The following ALDH1A2 variants were observed in gnomAD, a reference collection of about 807,000 sequenced individuals.
ALDH1A2 encodes retinal dehydrogenase 2.
Under a neutral mutation model 60.3 loss-of-function variants are expected in ALDH1A2, and 27 were observed. That is an observed-to-expected ratio of 0.45 (90% CI 0.33 to 0.62). ALDH1A2 has a LOEUF of 0.62. Ranked by LOEUF, ALDH1A2 falls within the 20% of genes least tolerant of loss-of-function variation. The probability of loss-of-function intolerance (pLI) is 0.02; values close to 1 mark genes in which losing one functional copy is unlikely to be tolerated. For synonymous variants in ALDH1A2, 289 were observed against 232.4 expected (o/e 1.24, Z -2.21); for missense variants, 581 against 643.8 (o/e 0.90, Z 1.06).
At chr15:57,987,104 A>G (rs1894729266) in intron 7 of ALDH1A2, among the ~76,000 whole-genome samples, 1 of 152,228 alleles carries the variant, frequency 6.6e-6, no homozygotes, top group African/African-American at 2.4e-5. Flanking sequence ...AGAAGAATAT[A>G]CGAACGTCAA....
chr15:57,977,058 G>C (rs1215462127), intron 7 of ALDH1A2, among the ~76,000 whole-genome samples: 1 of 149,956 alleles, frequency 6.7e-6, no homozygotes, highest in African/African-American at 2.4e-5. Context: ...GTCTTCTTTT[G>C]CGAAGTGTGT....
Position 58,026,879 on chromosome 15 carries a change from G to A in ALDH1A2, c.118-12598C>T, listed in dbSNP as rs1390896798. Among the ~76,000 whole-genome samples, 4 of 152,200 alleles carry A rather than the reference G, an allele frequency of 2.6e-5. No homozygotes were observed. The East Asian group carries it at 5.8e-4, about 22-fold the overall frequency. ...AACAAAGTGGCCAGAAGATTGAACT[G>A]GGTGGAGCCCACTACAGCTCAGCAA... On this transcript the variant is annotated intron_variant, in intron 1 of 12. Coordinates refer to ENST00000249750, the MANE Select transcript of ALDH1A2 (RefSeq NM_003888.4).
intron 1 of ALDH1A2, among the ~76,000 whole-genome samples, chr15:58,046,152 A>G (rs1342541500): frequency 1.3e-5 from 2 of 152,056 alleles, no homozygotes; most frequent in African/African-American, 4.8e-5. Flanking sequence ...CCACAAAGGA[A>G]TAGATATCTC....
At chr15:57,981,639 C>T (rs1008755507) in intron 7 of ALDH1A2, among the ~76,000 whole-genome samples, 2 of 152,160 alleles carry the variant, frequency 1.3e-5, no homozygotes, top group Non-Finnish European at 2.9e-5. Flanking sequence ...AAAAGTCACA[C>T]AGCAGGAAAG....
chr15:57,956,219 G>A (rs1348574817), intron 12 of ALDH1A2, among the ~76,000 whole-genome samples: 1 of 152,202 alleles, frequency 6.6e-6, no homozygotes, highest in African/African-American at 2.4e-5. Flanking sequence ...GTAGAGAGGG[G>A]AGGAGGGAAG....
chr15:57,986,186 T>C (rs1425340063), intron 7 of ALDH1A2, among the ~76,000 whole-genome samples: 21 of 152,296 alleles, frequency 1.4e-4, no homozygotes, highest in East Asian at 3.9e-4. Context: ...TATTCAAACA[T>C]TGGATATCAG....
At chr15:58,041,510 T>C (rs1171600437) in intron 1 of ALDH1A2, among the ~76,000 whole-genome samples, 1 of 151,896 alleles carries the variant, frequency 6.6e-6, no homozygotes, top group Non-Finnish European at 1.5e-5. Context: ...AAGCCGGGAA[T>C]TTCTAGATCA....
intron 1 of ALDH1A2, among the ~76,000 whole-genome samples, chr15:58,026,494 C>A (rs972045859): frequency 1.3e-5 from 2 of 152,136 alleles, no homozygotes; most frequent in African/African-American, 2.4e-5. Context: ...CTAAGGTACC[C>A]GGTTCATTTC....
At chr15:58,065,141 G>C (rs1253829205) in intron 1 of ALDH1A2, 1 of 290,742 alleles carries the variant, frequency 3.4e-6, no homozygotes, top group African/African-American at 2.3e-5. Flanking sequence ...AGGACCGAGA[G>C]GCGACGGCCA....
chr15:57,980,362 T>C lies in ALDH1A2; in HGVS notation c.798+12343A>G, dbSNP rs1029848310. The C allele has an allele frequency of 1.6e-5, 6 of 386,904 alleles. No individual in the cohort carries two copies. The East Asian group carries it at 4.1e-4, about 26-fold the overall frequency. The allele number at this position is 386,904 out of a possible 1,614,324, so 24.0% of individuals were successfully genotyped here. ...CCATGGGGTTCATGTCATAGCTGAC[T>C]ACAGCCTTGATGAAGTTGGAGAGGT... On this transcript the variant is annotated intron_variant, in intron 7 of 12. Coordinates refer to ENST00000249750, the MANE Select transcript of ALDH1A2 (RefSeq NM_003888.4).
At chr15:58,043,843 TTTCTCGGTCTA>T in intron 1 of ALDH1A2, among the ~76,000 whole-genome samples, 1 of 152,142 alleles carries the variant, frequency 6.6e-6, no homozygotes, top group Non-Finnish European at 1.5e-5. Context: ...TGAGAATCTT[TTTCTCGGTCTA>T]AACATAGTAG....
intron 3 of ALDH1A2, 92 bp from the exon 4 acceptor site, chr15:58,010,870 A>C: frequency 1.4e-6 from 2 of 1,477,150 alleles, no homozygotes; most frequent in East Asian, 2.3e-5. Flanking sequence ...AAGAGAGAGA[A>C]TACAAATGCA....
intron 5 of ALDH1A2, among the ~76,000 whole-genome samples, chr15:57,994,591 G>T (rs1324767873): frequency 6.6e-6 from 1 of 152,100 alleles, no homozygotes; most frequent in Non-Finnish European, 1.5e-5. Flanking sequence ...TAACAGCTCG[G>T]CATGGTTTCA....
intron 1 of ALDH1A2, among the ~76,000 whole-genome samples, chr15:58,025,421 A>G (rs1364918541): frequency 1.3e-5 from 2 of 152,196 alleles, no homozygotes; most frequent in African/African-American, 2.4e-5. Context: ...GGGGAGATGG[A>G]TACATTCCTG....
chr15:58,002,402 T>C (rs1895303994), intron 4 of ALDH1A2, among the ~76,000 whole-genome samples: 1 of 151,968 alleles, frequency 6.6e-6, no homozygotes, highest in Non-Finnish European at 1.5e-5. Context: ...AAAAATTTAA[T>C]TATTTGGATA....
chr15:57,983,697 C>T (rs1894594698), intron 7 of ALDH1A2, among the ~76,000 whole-genome samples: 1 of 152,128 alleles, frequency 6.6e-6, no homozygotes, highest in Non-Finnish European at 1.5e-5. Context: ...GGTAATGATG[C>T]AGAGAATTCT....
At chr15:58,013,073 A>G (rs35323556) in intron 3 of ALDH1A2, among the ~76,000 whole-genome samples, 6 of 152,214 alleles carry the variant, frequency 3.9e-5, no homozygotes, top group Admixed American at 3.3e-4. Context: ...TGTGAGGAAA[A>G]TCATTGTTTT....
chr15:58,011,615 T>G (rs1037347428), intron 3 of ALDH1A2, among the ~76,000 whole-genome samples: 4 of 152,202 alleles, frequency 2.6e-5, no homozygotes, highest in African/African-American at 9.6e-5. Flanking sequence ...GACATACTGG[T>G]GTGAAAATTA....
chr15:58,035,668 CAT>C (rs751478568), intron 1 of ALDH1A2, among the ~76,000 whole-genome samples: 2 of 151,678 alleles, frequency 1.3e-5, no homozygotes, highest in Admixed American at 6.6e-5. Context: ...CTCTTTAACT[CAT>C]GTGTTATTCA....
Sources: allele counts gnomAD v4.1 joint callset (sites outside exome capture counted in the v4.1 genomes callset), GRCh38; gene constraint gnomAD v4.1.1; transcripts MANE v1.5; gene names NCBI Gene and HGNC (gene_info 2026-07-23, HGNC 2026-07-21).